The following TXNL1 variants were observed in gnomAD, a reference collection of about 807,000 sequenced individuals.
The protein encoded by TXNL1 is thioredoxin-like protein 1.
TXNL1 carries 14 observed loss-of-function variants against 35.5 expected under a neutral mutation model. The ratio of observed to expected loss-of-function variants is 0.39; its 90% CI spans 0.26 to 0.62. The LOEUF is 0.62. Among genes scored for constraint, TXNL1 ranks in the 20% least tolerant of loss-of-function variants. The probability of loss-of-function intolerance (pLI) is 0.47; values close to 1 mark genes in which losing one functional copy is unlikely to be tolerated. For missense variants in TXNL1, 263 were observed against 349.7 expected, an observed-to-expected ratio of 0.75 and a Z score of 1.98; for synonymous variants, 110 against 115.5, an observed-to-expected ratio of 0.95 and a Z score of 0.31.
At chr18:56,632,850 CTA>C (rs1348495707) in intron 1 of TXNL1, among the ~76,000 whole-genome samples, 1 of 152,178 alleles carries the variant, frequency 6.6e-6, no homozygotes, top group Non-Finnish European at 1.5e-5. Context: ...TCAATATGCC[CTA>C]GTCTTACAGC....
chr18:56,602,814 G>A lies in TXNL1; in HGVS notation c.*213C>T. On this transcript the variant is annotated 3_prime_UTR_variant, in exon 8 of 8. Coordinates refer to ENST00000217515, the MANE Select transcript of TXNL1 (RefSeq NM_004786.3). ...GAAAGAGAAAATACTGATTTAGAAAGACAAAAATTAAGCTTGGCAAAAGTG... is the reference window on the plus strand; with the variant it reads ...GAAAGAGAAAATACTGATTTAGAAAAACAAAAATTAAGCTTGGCAAAAGTG... 1 of 615,332 alleles carries A rather than the reference G, an allele frequency of 1.6e-6. No homozygotes were observed. The allele number at this position is 615,332 out of a possible 1,614,324, so 38.1% of individuals were successfully genotyped here.
intron 7 of TXNL1, chr18:56,610,508 G>A (rs960475740): frequency 6.6e-6 from 1 of 152,260 alleles, no homozygotes; most frequent in Non-Finnish European, 1.5e-5. Flanking sequence ...TTGATGAAAT[G>A]TGCTATTTCA....
intron 3 of TXNL1, 133 bp from the exon 4 acceptor site, chr18:56,618,259 A>C: frequency 1.1e-6 from 1 of 928,794 alleles, no homozygotes; most frequent in South Asian, 1.9e-5. Flanking sequence ...AAACTTTTAC[A>C]GTAGTCCTTT....
chr18:56,609,773 A>C (rs1250684670), intron 7 of TXNL1: 1 of 152,214 alleles, frequency 6.6e-6, no homozygotes, highest in African/African-American at 2.4e-5. Flanking sequence ...GTAGATGCTT[A>C]ATCTCTGCTT....
At position 56,599,897 on chromosome 18, in the gene TXNL1, T is replaced by A. The variant is rs77852824; in HGVS notation, c.*3130A>T. The A allele has an allele frequency of 1.3e-5, 2 of 151,892 alleles. No individual in the cohort carries two copies. The highest frequency in any genetic ancestry group is 4.8e-5 in the African/African-American group (2 of 41,352). The allele number at this position is 151,892 out of a possible 1,614,324, so 9.4% of individuals were successfully genotyped here. On this transcript the variant is annotated 3_prime_UTR_variant, in exon 8 of 8. Coordinates refer to ENST00000217515, the MANE Select transcript of TXNL1 (RefSeq NM_004786.3). ...TAAGTTACTTATCTTAAAAAAAAAA[T>A]AGTCTAAGATTACAAATTATCAGTT... is the stretch of plus-strand genomic sequence containing the variant.
Position 56,624,348 on chromosome 18 carries a change from G to C in TXNL1, c.309C>G (p.Ile103Met), listed in dbSNP as rs2024240950. The part of the protein sequence containing the change: ...GADAVGLEEK[I>M]KQHLENDPGS... ...CAGGGTCATTTTCTAAGTGCTGCTTGATTTTTTCTTCTAATCCCACAGCAT... is the reference window on the plus strand; with the variant it reads ...CAGGGTCATTTTCTAAGTGCTGCTTCATTTTTTCTTCTAATCCCACAGCAT... Residue 103 changes from isoleucine to methionine, a missense_variant, in exon 3 of 8, where the codon ATC (isoleucine) becomes ATG (methionine). Ile to Met is a conservative substitution (Grantham distance 10, BLOSUM62 1). Transcript: ENST00000217515. The C allele has an allele frequency of 6.2e-7, 1 of 1,613,800 alleles. No homozygotes were observed. Among genetic ancestry groups the C allele is most frequent in the South Asian group, 1.1e-5 (1 of 91,060 alleles).
intron 7 of TXNL1, among the ~76,000 whole-genome samples, chr18:56,606,787 CAG>C (rs958465470): frequency 3.3e-5 from 5 of 152,220 alleles, no homozygotes; most frequent in African/African-American, 7.2e-5. Flanking sequence ...CTGCTGTAGA[CAG>C]AGATCATGAC....
chr18:56,610,782 AAG>A (rs1405914178), intron 7 of TXNL1: 1 of 365,490 alleles, frequency 2.7e-6, no homozygotes, highest in Non-Finnish European at 4.9e-6. Flanking sequence ...TTTATCAGTT[AAG>A]ACATCATTTT....
In TXNL1 at chr18:56,618,088, T is replaced by C. The variant is rs1406056072; in HGVS notation, c.408A>G (p.Glu136=). Reference sequence around the variant, plus strand: ...CATGCTCATCACTTTCATTAAGACATTCACAACCAGCTTTGTTAATAAAAG... The same window carrying C: ...CATGCTCATCACTTTCATTAAGACACTCACAACCAGCTTTGTTAATAAAAG... The part of the protein sequence containing the change: ...LMPFINKAGC[E]CLNESDEHGF... The change falls in exon 4 of 8, where the codon GAA becomes GAG. Residue 136 remains glutamate (E), a synonymous_variant. Coordinates refer to ENST00000217515, the MANE Select transcript of TXNL1 (RefSeq NM_004786.3). 2.5e-6 allele frequency: 4 copies of C among 1,613,844 alleles called. No homozygotes were observed. The highest frequency in any genetic ancestry group is 1.7e-5 in the Admixed American group (1 of 60,000).
chr18:56,612,015 ATCTT>A (rs1448958701), intron 6 of TXNL1, among the ~76,000 whole-genome samples: 3 of 105,476 alleles, frequency 2.8e-5, no homozygotes, highest in Non-Finnish European at 3.7e-5. Flanking sequence ...CGCCCGGCTA[ATCTT>A]TTTTTTTTTT....
At position 56,626,519 on chromosome 18, in the gene TXNL1, A is replaced by C. The variant is rs986136729; in HGVS notation, c.99-62T>G. On this transcript the variant is annotated intron_variant, in intron 1 of 7. Transcript: ENST00000217515. ...AGATTGTAATTCTAAAGCACTCGTC[A>C]ATTAAACATAAAATAGAACAAACAC... 80 of 1,370,640 alleles carry C rather than the reference A, an allele frequency of 5.8e-5. No homozygotes were observed. The East Asian group carries it at 1.8e-3, about 31-fold the overall frequency. 84.9% of individuals were successfully genotyped at this position (1,370,640 alleles called of 1,614,324 possible). A position where few individuals can be genotyped will look rare whatever the true frequency, so the allele number is the denominator to read the frequency against.
chr18:56,609,529 A>G (rs2023956743), intron 7 of TXNL1: 1 of 152,228 alleles, frequency 6.6e-6, no homozygotes, highest in Non-Finnish European at 1.5e-5. Flanking sequence ...TGAAAATCAA[A>G]TAGCATAAAC....
chr18:56,619,225 A>AAG (rs2024140664), intron 3 of TXNL1, among the ~76,000 whole-genome samples: 1 of 151,116 alleles, frequency 6.6e-6, no homozygotes, highest in Non-Finnish European at 1.5e-5. Context: ...AAAAAAAAAA[A>AAG]AAAAAAAAAG....
rs76473344 is a variant in TXNL1 at position 56,636,905 on chromosome 18, T to G, written c.98+1438A>C. On this transcript the variant is annotated intron_variant, in intron 1 of 7. Transcript: ENST00000217515. ...TTTCTACTGTGGCCTAGATACTTAA[T>G]GTACTACAGGTATTCCCCTATTATT... Among the ~76,000 whole-genome samples the G allele has an allele frequency of 2.9e-3, 438 of 152,328 alleles. 7 individuals are homozygous for G. The East Asian group carries it at 0.04, about 14-fold the overall frequency.
At chr18:56,616,575 A>C (rs1395605768) in intron 4 of TXNL1, among the ~76,000 whole-genome samples, 27 of 152,240 alleles carry the variant, frequency 1.8e-4, no homozygotes, top group Admixed American at 1.8e-3. Context: ...TAGGAATGTA[A>C]GGTCTTATGA....
At chr18:56,624,575 A>G (rs1174930756) in intron 2 of TXNL1, 114 bp from the exon 3 acceptor site, 4 of 1,218,714 alleles carry the variant, frequency 3.3e-6, no homozygotes, top group African/African-American at 3.0e-5. Flanking sequence ...AACATGTAAA[A>G]TACTGCATTT....
intron 1 of TXNL1, among the ~76,000 whole-genome samples, chr18:56,631,651 G>A (rs1236220963): frequency 6.6e-6 from 1 of 152,154 alleles, no homozygotes; most frequent in Non-Finnish European, 1.5e-5. Context: ...GGGCGCAGTG[G>A]CTCACGCCTG....
chr18:56,614,156 A>G (rs2024044372), intron 6 of TXNL1, among the ~76,000 whole-genome samples: 1 of 152,246 alleles, frequency 6.6e-6, no homozygotes, highest in Non-Finnish European at 1.5e-5. Flanking sequence ...GTTTTAGTAT[A>G]AAGTTGTAGA....
At chr18:56,610,869 A>G (rs2023978509) in intron 7 of TXNL1, 124 bp downstream of exon 7, 1 of 623,830 alleles carries the variant, frequency 1.6e-6, no homozygotes, top group Non-Finnish European at 2.6e-6. Flanking sequence ...GCCTTGTAAA[A>G]TTTCATGACA....
Sources: gnomAD v4.1 joint callset for allele counts (sites outside exome capture counted in the v4.1 genomes callset) on GRCh38, gnomAD v4.1.1 for gene constraint, MANE v1.5 for transcripts, NCBI Gene and HGNC (gene_info 2026-07-23, HGNC 2026-07-21) for gene names.